The following GTF2A1 variants were observed in gnomAD, a reference collection of about 807,000 sequenced individuals.
GTF2A1 encodes transcription initiation factor IIA subunit 1.
In GTF2A1, 12 loss-of-function variants were observed where a neutral mutation model predicts 54.1. The observed-to-expected ratio is 0.22, with a 90% CI of 0.14 to 0.36. The LOEUF (loss-of-function observed/expected upper bound fraction) is 0.36. Among genes scored for constraint, GTF2A1 ranks in the 10% least tolerant of loss-of-function variants. The pLI is 1.00. For missense variants in GTF2A1, 335 were observed against 442.2 expected (o/e 0.76, Z 2.17); for synonymous variants, 145 against 152.0 (o/e 0.95, Z 0.34).
At position 81,216,440 on chromosome 14, in the gene GTF2A1, A is replaced by G. The variant is rs1291778634; in HGVS notation, c.105T>C (p.Asp35=). Residue 35 remains aspartate, a synonymous_variant, in exon 2 of 9, where the codon GAT becomes GAC. Transcript: ENST00000553612. ...VRDIFLDDGV[D]EQVLMELKTL... ...TTTTTAGTTCCATCAGTACTTGTTC[A>G]TCCACTCCATCATCCAGAAAGATGT... is the stretch of plus-strand genomic sequence containing the variant. The G allele has an allele frequency of 3.4e-6, 5 of 1,491,326 alleles. No homozygotes were observed. In the South Asian group the frequency reaches 5.7e-5, roughly 17 times the overall value. 92.4% of individuals were successfully genotyped at this position (1,491,326 alleles called of 1,614,324 possible). A position where few individuals can be genotyped will look rare whatever the true frequency, so the allele number is the denominator to read the frequency against.
intron 6 of GTF2A1, among the ~76,000 whole-genome samples, chr14:81,195,346 A>G (rs2140156380): frequency 6.6e-6 from 1 of 151,840 alleles, no homozygotes; most frequent in East Asian, 2.0e-4. Flanking sequence ...TTAAAGAAAA[A>G]AAAAAGGCCG....
chr14:81,217,324 G>A (rs1893508689), intron 1 of GTF2A1, among the ~76,000 whole-genome samples: 1 of 152,148 alleles, frequency 6.6e-6, no homozygotes, highest in Non-Finnish European at 1.5e-5. Flanking sequence ...ACTACAAAGT[G>A]GGAGATAGAA....
At chr14:81,206,243 C>T (rs117148661) in intron 2 of GTF2A1, among the ~76,000 whole-genome samples, 1,694 of 152,250 alleles carry the variant, frequency 0.011, 18 homozygotes, top group South Asian at 0.032. Flanking sequence ...CCCATGTAAA[C>T]GACCTAGGAG....
At chr14:81,185,042 G>A (rs2140147467) in intron 8 of GTF2A1, among the ~76,000 whole-genome samples, 1 of 152,250 alleles carries the variant, frequency 6.6e-6, no homozygotes, top group Middle Eastern at 3.4e-3. Context: ...GCAAACTACA[G>A]CAAAGTTAAA....
intron 6 of GTF2A1, among the ~76,000 whole-genome samples, chr14:81,195,281 G>A (rs1288307382): frequency 4.0e-5 from 6 of 151,570 alleles, no homozygotes; most frequent in African/African-American, 1.5e-4. Flanking sequence ...AAAAGAGGCT[G>A]AGAAAAAAAC....
At chr14:81,191,881 T>C (rs1388303365) in intron 7 of GTF2A1, among the ~76,000 whole-genome samples, 1 of 152,160 alleles carries the variant, frequency 6.6e-6, no homozygotes, top group Non-Finnish European at 1.5e-5. Context: ...AACTTTGTAC[T>C]AAGAAACAAA....
chr14:81,191,767 G>C lies in GTF2A1; in HGVS notation c.933+752C>G, dbSNP rs144210031. On this transcript the variant is annotated intron_variant, in intron 7 of 8. Coordinates refer to ENST00000553612, the MANE Select transcript of GTF2A1 (RefSeq NM_015859.4). ...TATTTTAACTAGATGGTGGGCACCA[G>C]GATGATTTTTATCTTGAAACATTTC... 3.3e-5 allele frequency among the ~76,000 whole-genome samples: 5 copies of C among 152,234 alleles called. No individual in the cohort carries two copies. The East Asian group carries it at 9.6e-4, about 29-fold the overall frequency.
At chr14:81,207,293 C>T (rs919597380) in intron 2 of GTF2A1, among the ~76,000 whole-genome samples, 3 of 152,042 alleles carry the variant, frequency 2.0e-5, no homozygotes, top group Non-Finnish European at 4.4e-5. Flanking sequence ...CCATGGGGGC[C>T]GGTCTTTCCC....
chr14:81,213,440 GACC>G (rs1239920199), intron 2 of GTF2A1, among the ~76,000 whole-genome samples: 1 of 152,142 alleles, frequency 6.6e-6, no homozygotes, highest in Non-Finnish European at 1.5e-5. Flanking sequence ...AATCTAGACT[GACC>G]ACTAGTTTGA....
chr14:81,196,147 T>G lies in GTF2A1; in HGVS notation c.573A>C (p.Gln191His). Residue 191 changes from glutamine (Q) to histidine (H), a missense_variant, in exon 6 of 9, where the codon CAA becomes CAC. Gln to His is a conservative substitution (Grantham distance 24). Transcript: ENST00000553612. ...SVVLQQQVIPQMQPGGVQAPV... is the reference protein window; with the variant it reads ...SVVLQQQVIPHMQPGGVQAPV... ...GAGCTTGTACTCCACCAGGCTGCAT[T>G]TGTGGTATAACCTGTTGTTGTAGAA... is the stretch of plus-strand genomic sequence containing the variant. 1 of 1,613,870 alleles carries G rather than the reference T, an allele frequency of 6.2e-7. No homozygotes were observed. Among genetic ancestry groups the G allele is most frequent in the Non-Finnish European group, 8.5e-7 (1 of 1,179,742 alleles).
At chr14:81,193,585 T>C (rs1054912988) in intron 6 of GTF2A1, among the ~76,000 whole-genome samples, 2 of 152,234 alleles carry the variant, frequency 1.3e-5, no homozygotes, top group East Asian at 3.8e-4. Flanking sequence ...GCTGCAAATA[T>C]GAACCACCTG....
rs557443712 is a variant in GTF2A1 at position 81,213,013 on chromosome 14, G to A, written c.132+3400C>T. ...GAATTAAAATAACAAACTCATTTTAGTCTAACCGTTTTATTTTTAACTCCA... is the reference window on the plus strand; with the variant it reads ...GAATTAAAATAACAAACTCATTTTAATCTAACCGTTTTATTTTTAACTCCA... On this transcript the variant is annotated intron_variant, in intron 2 of 8. Coordinates refer to ENST00000553612, the MANE Select transcript of GTF2A1 (RefSeq NM_015859.4). Among the ~76,000 whole-genome samples the A allele has an allele frequency of 2.6e-5, 4 of 152,310 alleles. No individual in the cohort carries two copies. In the East Asian group the frequency reaches 7.7e-4, roughly 29 times the overall value.
At position 81,211,742 on chromosome 14, in the gene GTF2A1, T is replaced by C. The variant is rs186430752; in HGVS notation, c.132+4671A>G. ...ACATCTAGCTCCTGGATAAAATATA[T>C]TACACTTCTAGGTTCCCAAGAAATA... On this transcript the variant is annotated intron_variant, in intron 2 of 8. Coordinates refer to ENST00000553612, the MANE Select transcript of GTF2A1 (RefSeq NM_015859.4). Among the ~76,000 whole-genome samples, 206 of 151,912 alleles carry C rather than the reference T, an allele frequency of 1.4e-3. 1 individual carries two copies. Among genetic ancestry groups the C allele is most frequent in the African/African-American group, 4.7e-3 (193 of 41,370 alleles).
At chr14:81,211,875 T>TTA (rs757044041) in intron 2 of GTF2A1, among the ~76,000 whole-genome samples, 5,038 of 68,110 alleles carry the variant, frequency 0.074, 217 homozygotes, top group Middle Eastern at 0.14. Context: ...ATCAAGTACT[T>TTA]TATATATATA....
chr14:81,208,545 C>T (rs1893292604), intron 2 of GTF2A1, among the ~76,000 whole-genome samples: 1 of 152,180 alleles, frequency 6.6e-6, no homozygotes, highest in Admixed American at 6.5e-5. Context: ...CCCAGTGGAG[C>T]TGTGAGAAGA....
chr14:81,214,152 C>T (rs1266865455), intron 2 of GTF2A1, among the ~76,000 whole-genome samples: 3 of 152,188 alleles, frequency 2.0e-5, no homozygotes, highest in Non-Finnish European at 4.4e-5. Flanking sequence ...CCTACCTCAT[C>T]ACCGCAATCA....
chr14:81,185,409 A>G (rs1401926319), intron 8 of GTF2A1, 122 bp downstream of exon 8: 1 of 588,894 alleles, frequency 1.7e-6, no homozygotes, highest in Non-Finnish European at 3.0e-6. Context: ...TTTTCGTACT[A>G]TTCATAATGA....
intron 5 of GTF2A1, among the ~76,000 whole-genome samples, chr14:81,196,882 A>G (rs930236859): frequency 2.0e-5 from 3 of 152,216 alleles, no homozygotes; most frequent in African/African-American, 4.8e-5. Flanking sequence ...TAACATACAC[A>G]GAATAGAAAA....
intron 4 of GTF2A1, among the ~76,000 whole-genome samples, chr14:81,200,895 A>AAC (rs1555389880): frequency 2.0e-5 from 3 of 151,458 alleles, no homozygotes; most frequent in African/African-American, 2.4e-5. Flanking sequence ...CAAAAAAAAA[A>AAC]AAAAAACAAA....
Sources: allele counts gnomAD v4.1 joint callset (sites outside exome capture counted in the v4.1 genomes callset), GRCh38; gene constraint gnomAD v4.1.1; transcripts MANE v1.5; gene names NCBI Gene and HGNC (gene_info 2026-07-23, HGNC 2026-07-21).